Variants in NAALADL2 observed in about 807,000 individuals in gnomAD.
The protein encoded by NAALADL2 is inactive N-acetylated-alpha-linked acidic dipeptidase-like protein 2.
A neutral mutation model predicts 87.2 loss-of-function variants in NAALADL2; 76 were observed. The ratio of observed to expected loss-of-function variants is 0.87; its 90% CI spans 0.72 to 1.05. The LOEUF (loss-of-function observed/expected upper bound fraction) is 1.05. Among genes scored for constraint, NAALADL2 ranks in the 50% least tolerant of loss-of-function variants. The probability of loss-of-function intolerance (pLI) is 0.00; values close to 1 mark genes in which losing one functional copy is unlikely to be tolerated. For synonymous variants in NAALADL2, 354 were observed against 331.0 expected, an observed-to-expected ratio of 1.07 and a Z score of -0.75; for missense variants, 1,089 against 945.8, an observed-to-expected ratio of 1.15 and a Z score of -1.99.
chr3:174,805,883 AG>A (rs146485348), intron 3 of NAALADL2, among the ~76,000 whole-genome samples: 18,727 of 152,156 alleles, frequency 0.12, 1,379 homozygotes, highest in Non-Finnish European at 0.15. Context: ...ATTATCTACA[AG>A]GCTTCCCTAT....
intron 9 of NAALADL2, among the ~76,000 whole-genome samples, chr3:175,551,671 G>A (rs566213660): frequency 7.6e-4 from 116 of 152,248 alleles, no homozygotes; most frequent in African/African-American, 2.6e-3. Flanking sequence ...AGGCCCAGGC[G>A]GGTGGATCAC....
chr3:175,403,561 T>G (rs991427689), intron 5 of NAALADL2, among the ~76,000 whole-genome samples: 1 of 152,138 alleles, frequency 6.6e-6, no homozygotes, highest in Non-Finnish European at 1.5e-5. Context: ...TTTATTTTAC[T>G]AGTCAATAGG....
chr3:174,618,094 T>C (rs1720648516), intron 2 of NAALADL2, among the ~76,000 whole-genome samples: 4 of 151,780 alleles, frequency 2.6e-5, no homozygotes. Flanking sequence ...AAATTTTTCT[T>C]CTTGGATGCC....
intron 2 of NAALADL2, among the ~76,000 whole-genome samples, chr3:174,618,727 A>C (rs1720718800): frequency 6.6e-6 from 1 of 151,192 alleles, no homozygotes; most frequent in Admixed American, 6.6e-5. Context: ...CTTATATATA[A>C]GTTGAATGGC....
intron 2 of NAALADL2, among the ~76,000 whole-genome samples, chr3:174,622,520 C>A (rs62284669): frequency 0.36 from 54,081 of 151,862 alleles, 10,858 homozygotes; most frequent in Middle Eastern, 0.5. Flanking sequence ...CCACATATAA[C>A]TTTTGAATCC....
Position 175,170,868 on chromosome 3 carries a change from A to C in NAALADL2, c.546-63063A>C, listed in dbSNP as rs531365206. Among the ~76,000 whole-genome samples the C allele has an allele frequency of 2.4e-4, 36 of 152,008 alleles. No individual in the cohort carries two copies. The South Asian group carries it at 6.8e-3, about 29-fold the overall frequency. On this transcript the variant is annotated intron_variant, in intron 2 of 13. Coordinates refer to ENST00000454872, the MANE Select transcript of NAALADL2 (RefSeq NM_207015.3). ...AGGCTAAAAGGATACAAAATTGTAT[A>C]TTCAGTATGACACAAGTGTGAAAAA...
chr3:175,509,603 G>A (rs1409714175), intron 9 of NAALADL2, among the ~76,000 whole-genome samples: 1 of 152,072 alleles, frequency 6.6e-6, no homozygotes, highest in Non-Finnish European at 1.5e-5. Context: ...TTCTGCTATA[G>A]CATTGGCTCT....
intron 2 of NAALADL2, among the ~76,000 whole-genome samples, chr3:174,734,843 G>T (rs1289539674): frequency 1.3e-5 from 2 of 152,118 alleles, no homozygotes; most frequent in African/African-American, 2.4e-5. Flanking sequence ...CTGTATTTTG[G>T]TAGTTGAGAA....
intron 11 of NAALADL2, among the ~76,000 whole-genome samples, chr3:175,719,078 C>T (rs1421331452): frequency 6.6e-6 from 1 of 151,926 alleles, no homozygotes; most frequent in African/African-American, 2.4e-5. Context: ...AAATTCTGAC[C>T]TGAATCTTCA....
Position 174,639,125 on chromosome 3 carries a change from C to T in NAALADL2, c.-115+88488C>T, listed in dbSNP as rs62284708. 3.6e-3 allele frequency among the ~76,000 whole-genome samples: 543 copies of T among 152,304 alleles called. 1 individual carries two copies. The highest frequency in any genetic ancestry group is 0.01 in the Middle Eastern group (3 of 294). ...TCTAGTTAGCTCTTCTTTCAAGTAG[C>T]ACCTTTGACTTACTCAACTTTTGAA... is the stretch of plus-strand genomic sequence containing the variant. On this transcript the variant is annotated intron_variant, in intron 2 of 3. Transcript: ENST00000434257.
intron 5 of NAALADL2, among the ~76,000 whole-genome samples, chr3:175,425,196 A>G (rs1716572136): frequency 6.6e-6 from 1 of 152,154 alleles, no homozygotes; most frequent in African/African-American, 2.4e-5. Context: ...GTAGAGGAGA[A>G]GCATGGGGAG....
chr3:175,171,417 C>T lies in NAALADL2; in HGVS notation c.546-62514C>T, dbSNP rs571647867. ...TTAAGTCTCCTGTCATTTGATATGA[C>T]TGCCTTCTAAACGGAGTTGTGTGTA... On this transcript the variant is annotated intron_variant, in intron 2 of 13. Coordinates refer to ENST00000454872, the MANE Select transcript of NAALADL2 (RefSeq NM_207015.3). Among the ~76,000 whole-genome samples the T allele has an allele frequency of 7.2e-5, 11 of 152,158 alleles. No individual in the cohort carries two copies. In the South Asian group the frequency reaches 1.9e-3, roughly 26 times the overall value.
At chr3:174,725,834 G>T (rs1041079593) in intron 2 of NAALADL2, among the ~76,000 whole-genome samples, 6 of 152,192 alleles carry the variant, frequency 3.9e-5, no homozygotes, top group Non-Finnish European at 8.8e-5. Context: ...CCACAGTGAA[G>T]ATAGTTGTCT....
intron 9 of NAALADL2, chr3:175,487,554 A>G (rs1727469442): frequency 2.2e-6 from 1 of 456,548 alleles, no homozygotes; most frequent in African/African-American, 2.0e-5. Context: ...TTTGATGATT[A>G]GTCCTCAGTA....
In NAALADL2 at chr3:175,256,513, T is replaced by C. The variant is rs779621374; in HGVS notation, c.922T>C (p.Leu308=). ...GATCGCACTCCTGAAATTAGGAAAA[T>C]TGCCACTGCTTTATAAGGTTGGTCC... ...NQIALLKLGK[L]PLLYKLSSLE... is the part of the protein sequence containing the mutation. The change falls in exon 4 of 14, where the codon TTG becomes CTG. Residue 308 remains leucine, a synonymous_variant. Coordinates refer to ENST00000454872, the MANE Select transcript of NAALADL2 (RefSeq NM_207015.3). The C allele has an allele frequency of 2.0e-5, 33 of 1,612,050 alleles. No individual in the cohort carries two copies. Among genetic ancestry groups the C allele is most frequent in the Admixed American group, 5.0e-5 (3 of 59,676 alleles).
intron 2 of NAALADL2, among the ~76,000 whole-genome samples, chr3:175,199,210 C>A (rs9883893): frequency 0.85 from 128,691 of 152,104 alleles, 54,688 homozygotes; most frequent in East Asian, 0.91. Flanking sequence ...TGAAGGTGGA[C>A]TGTTCTCAGC....
intron 3 of NAALADL2, among the ~76,000 whole-genome samples, chr3:175,244,371 C>A (rs1314174461): frequency 1.3e-5 from 2 of 151,966 alleles, no homozygotes; most frequent in South Asian, 2.1e-4. Context: ...GATTCACTTT[C>A]TCTGTACCTC....
intron 2 of NAALADL2, among the ~76,000 whole-genome samples, chr3:175,134,998 G>C (rs1480978074): frequency 6.6e-6 from 1 of 152,120 alleles, no homozygotes; most frequent in African/African-American, 2.4e-5. Flanking sequence ...TGATGAGTAA[G>C]TTTTGCCCTT....
chr3:175,540,022 A>G (rs1334371971), intron 9 of NAALADL2, among the ~76,000 whole-genome samples: 2 of 152,210 alleles, frequency 1.3e-5, no homozygotes, highest in Non-Finnish European at 2.9e-5. Flanking sequence ...AGTGACAAGA[A>G]AGTAAGTTTG....
Sources: allele counts gnomAD v4.1 joint callset (sites outside exome capture counted in the v4.1 genomes callset), GRCh38; gene constraint gnomAD v4.1.1; transcripts MANE v1.5; gene names NCBI Gene and HGNC (gene_info 2026-07-23, HGNC 2026-07-21).